The following DCTN4 variants were observed in gnomAD, a reference collection of about 807,000 sequenced individuals.
The protein encoded by DCTN4 is dynactin 4 (p62).
In DCTN4, 23 loss-of-function variants were observed where a neutral mutation model predicts 62.7. That is an observed-to-expected ratio of 0.37 (90% CI 0.26 to 0.52). DCTN4 has a LOEUF of 0.52. DCTN4 is among the 20% of genes least tolerant of loss of function. The pLI, the probability that DCTN4 is intolerant of heterozygous loss-of-function variation, is 0.92. For missense variants in DCTN4, 514 were observed against 580.4 expected, an observed-to-expected ratio of 0.89 and a Z score of 1.18; for synonymous variants, 199 against 202.1, an observed-to-expected ratio of 0.98 and a Z score of 0.13.
At chr5:150,722,145 C>A (rs1274786230) in intron 9 of DCTN4, among the ~76,000 whole-genome samples, 3 of 152,136 alleles carry the variant, frequency 2.0e-5, no homozygotes, top group African/African-American at 7.2e-5. Flanking sequence ...TCTTTTATAA[C>A]CACTATTTCT....
chr5:150,753,447 C>A (rs761254007), intron 3 of DCTN4, 32 bp downstream of exon 3: 1 of 1,600,810 alleles, frequency 6.2e-7, no homozygotes, highest in Non-Finnish European at 8.5e-7. Flanking sequence ...GTCAATTGTA[C>A]AAAATTTCAT....
At chr5:150,715,428 CCAATTTT>C in intron 12 of DCTN4, 130 bp downstream of exon 12, 1 of 648,402 alleles carries the variant, frequency 1.5e-6, no homozygotes, top group Non-Finnish European at 2.6e-6. Flanking sequence ...ATATATTTCC[CCAATTTT>C]CTACAATAAT....
chr5:150,747,209 A>C (rs1273971837), intron 3 of DCTN4, among the ~76,000 whole-genome samples: 2 of 152,228 alleles, frequency 1.3e-5, no homozygotes, highest in Non-Finnish European at 2.9e-5. Context: ...AGAGAATAAA[A>C]TACTTAGGAA....
intron 3 of DCTN4, among the ~76,000 whole-genome samples, chr5:150,750,932 C>T (rs552902003): frequency 1.3e-5 from 2 of 152,198 alleles, no homozygotes; most frequent in East Asian, 1.9e-4. Flanking sequence ...GACGCAATTA[C>T]CTTGCTGAAG....
intron 11 of DCTN4, among the ~76,000 whole-genome samples, chr5:150,717,651 A>G (rs569361324): frequency 1.3e-5 from 2 of 152,336 alleles, no homozygotes; most frequent in East Asian, 1.9e-4. Context: ...AAAGGAAATG[A>G]TATTTCACAA....
At chr5:150,748,211 G>A (rs1421144699) in intron 3 of DCTN4, among the ~76,000 whole-genome samples, 2 of 150,590 alleles carry the variant, frequency 1.3e-5, no homozygotes, top group Non-Finnish European at 3.0e-5. Flanking sequence ...GGCCATCAGA[G>A]AAATGCAAAT....
chr5:150,733,548 CTA>C, intron 4 of DCTN4, 73 bp from the exon 5 acceptor site: 2 of 1,029,416 alleles, frequency 1.9e-6, no homozygotes, highest in African/African-American at 1.6e-5. Context: ...ACTACACTGA[CTA>C]GACACATAAT....
At chr5:150,744,078 T>C (rs938556630) in intron 3 of DCTN4, among the ~76,000 whole-genome samples, 9 of 151,904 alleles carry the variant, frequency 5.9e-5, no homozygotes, top group Admixed American at 5.2e-4. Flanking sequence ...GAATAACCAA[T>C]ACAGAGAAGT....
rs955457620 is a variant in DCTN4 at position 150,710,942 on chromosome 5, C to T, written c.*207G>A. ...GTTCAGTGAGGGAGACACAGACTTA[C>T]TGGTGTCAACAGGGGTGAGAGCAAG... is the stretch of plus-strand genomic sequence containing the variant. On this transcript the variant is annotated 3_prime_UTR_variant, in exon 13 of 13. Transcript: ENST00000447998. The T allele has an allele frequency of 1.7e-5, 10 of 577,972 alleles. No individual in the cohort carries two copies. In the African/African-American group the frequency reaches 1.9e-4, roughly 11 times the overall value. 35.8% of individuals were successfully genotyped at this position (577,972 alleles called of 1,614,324 possible). A position where few individuals can be genotyped will look rare whatever the true frequency, so the allele number is the denominator to read the frequency against.
At chr5:150,718,254 G>T (rs1258763950) in intron 11 of DCTN4, 22 bp downstream of exon 11, 1 of 1,566,814 alleles carries the variant, frequency 6.4e-7, no homozygotes, top group South Asian at 1.1e-5. Flanking sequence ...GGGTCAGTCA[G>T]GCTGAGGCAA....
At chr5:150,725,259 T>G (rs1458933478) in intron 8 of DCTN4, among the ~76,000 whole-genome samples, 7 of 151,656 alleles carry the variant, frequency 4.6e-5, no homozygotes, top group African/African-American at 1.7e-4. Context: ...CATATTTTGG[T>G]TTGTATTTGT....
At chr5:150,722,863 T>A in intron 9 of DCTN4, 44 bp downstream of exon 9, 1 of 1,505,844 alleles carries the variant, frequency 6.6e-7, no homozygotes, top group Non-Finnish European at 9.1e-7. Context: ...TAAACCAAAA[T>A]AACTCAAAAC....
intron 8 of DCTN4, among the ~76,000 whole-genome samples, chr5:150,727,771 G>A (rs6887682): frequency 0.2 from 16,438 of 83,172 alleles, 1,849 homozygotes; most frequent in African/African-American, 0.42. Context: ...GCGAGACTCC[G>A]TCTCAAAAAA....
intron 12 of DCTN4, among the ~76,000 whole-genome samples, chr5:150,712,594 T>C (rs1759610653): frequency 6.6e-6 from 1 of 152,192 alleles, no homozygotes; most frequent in Non-Finnish European, 1.5e-5. Flanking sequence ...TGCCTGGCCA[T>C]ACTGTGGGAA....
At chr5:150,726,177 G>T (rs976544755) in intron 8 of DCTN4, among the ~76,000 whole-genome samples, 1 of 152,138 alleles carries the variant, frequency 6.6e-6, no homozygotes, top group Non-Finnish European at 1.5e-5. Flanking sequence ...AATTTTGAGA[G>T]TTCCAGTATT....
intron 4 of DCTN4, among the ~76,000 whole-genome samples, chr5:150,734,822 C>G (rs1760517441): frequency 1.3e-5 from 2 of 152,196 alleles, no homozygotes; most frequent in Admixed American, 1.3e-4. Context: ...GTGAGACTGG[C>G]CTTGCTGGCT....
At chr5:150,745,847 C>A (rs1040572438) in intron 3 of DCTN4, among the ~76,000 whole-genome samples, 7 of 151,808 alleles carry the variant, frequency 4.6e-5, no homozygotes, top group Non-Finnish European at 1.0e-4. Flanking sequence ...CAGGAAAGAT[C>A]CAAAATTGAC....
intron 8 of DCTN4, among the ~76,000 whole-genome samples, 192 bp downstream of exon 8, chr5:150,730,439 C>T (rs945510817): frequency 7.2e-5 from 11 of 152,206 alleles, no homozygotes; most frequent in African/African-American, 2.7e-4. Context: ...AACAGTAGTA[C>T]CTACCTCACA....
intron 1 of DCTN4, 95 bp downstream of exon 1, chr5:150,758,764 G>A: frequency 6.5e-7 from 1 of 1,527,836 alleles, no homozygotes; most frequent in Non-Finnish European, 8.9e-7. Context: ...CAATCAGTAA[G>A]GAAGGAAAAT....
Sources: gnomAD v4.1 joint callset for allele counts (sites outside exome capture counted in the v4.1 genomes callset) on GRCh38, gnomAD v4.1.1 for gene constraint, MANE v1.5 for transcripts, NCBI Gene and HGNC (gene_info 2026-07-23, HGNC 2026-07-21) for gene names.